The following CPNE4 variants were observed in gnomAD, a reference collection of about 807,000 sequenced individuals.
CPNE4 encodes copine-4.
In CPNE4, 25 loss-of-function variants were observed where a neutral mutation model predicts 67.9. That is an observed-to-expected ratio of 0.37 (90% CI 0.27 to 0.51). The LOEUF (loss-of-function observed/expected upper bound fraction) is 0.51, where lower values mean the gene tolerates loss of function less well. Among genes scored for constraint, CPNE4 ranks in the 20% least tolerant of loss-of-function variants. The pLI is 0.93. For missense variants in CPNE4, 464 were observed against 690.8 expected, an observed-to-expected ratio of 0.67 and a Z score of 3.68; for synonymous variants, 242 against 244.9, an observed-to-expected ratio of 0.99 and a Z score of 0.11.
intron 7 of CPNE4, among the ~76,000 whole-genome samples, chr3:131,587,876 TC>T (rs1938288329): frequency 6.6e-6 from 1 of 152,166 alleles, no homozygotes; most frequent in African/African-American, 2.4e-5. Context: ...AAAGGGACCT[TC>T]TAGTGAATGA....
chr3:131,828,153 C>G (rs2085235844), intron 2 of CPNE4, among the ~76,000 whole-genome samples: 1 of 152,118 alleles, frequency 6.6e-6, no homozygotes, highest in African/African-American at 2.4e-5. Flanking sequence ...TTGCTCAATA[C>G]TTAAATTTTA....
At chr3:131,601,330 C>A (rs1939195311) in intron 7 of CPNE4, among the ~76,000 whole-genome samples, 1 of 152,094 alleles carries the variant, frequency 6.6e-6, no homozygotes, top group South Asian at 2.1e-4. Flanking sequence ...ATTGAGCTGG[C>A]AAAGAGAATA....
intron 7 of CPNE4, among the ~76,000 whole-genome samples, chr3:131,598,716 T>C (rs1939031195): frequency 6.6e-6 from 1 of 152,202 alleles, no homozygotes; most frequent in Non-Finnish European, 1.5e-5. Context: ...TATGTACCTT[T>C]CCAATGGCAC....
chr3:132,002,841 G>T (rs2073491626), intron 1 of CPNE4, among the ~76,000 whole-genome samples: 1 of 152,064 alleles, frequency 6.6e-6, no homozygotes, highest in Non-Finnish European at 1.5e-5. Context: ...GCCAAACTTT[G>T]CCAAGCCTAT....
chr3:131,566,369 A>G (rs1221674799), intron 10 of CPNE4, among the ~76,000 whole-genome samples: 1 of 151,746 alleles, frequency 6.6e-6, no homozygotes. Flanking sequence ...ACCTAGGGAG[A>G]CCAATAAAGT....
intron 2 of CPNE4, among the ~76,000 whole-genome samples, chr3:131,789,141 C>T (rs2083646354): frequency 6.6e-6 from 1 of 152,074 alleles, no homozygotes. Flanking sequence ...TCTTAGGCTA[C>T]TCATCCTACA....
chr3:131,539,030 A>C (rs2107624172), intron 15 of CPNE4: 1 of 152,378 alleles, frequency 6.6e-6, no homozygotes, highest in Middle Eastern at 3.4e-3. Context: ...CTGAGTTATC[A>C]TGCAGAGCAG....
chr3:131,814,236 A>G (rs547651601), intron 2 of CPNE4, among the ~76,000 whole-genome samples: 1 of 152,274 alleles, frequency 6.6e-6, no homozygotes, highest in South Asian at 2.1e-4. Flanking sequence ...TGTTCTTGTT[A>G]CATGGACAGT....
chr3:131,778,479 T>C (rs1418801479), intron 2 of CPNE4, among the ~76,000 whole-genome samples: 1 of 152,036 alleles, frequency 6.6e-6, no homozygotes, highest in African/African-American at 2.4e-5. Flanking sequence ...AGAGTGGGAA[T>C]TATCATCATT....
chr3:131,772,864 T>C (rs1002358073), intron 2 of CPNE4, among the ~76,000 whole-genome samples: 3 of 152,130 alleles, frequency 2.0e-5, no homozygotes, highest in Admixed American at 1.3e-4. Context: ...GAAGTGCCCC[T>C]GGGCTGATGT....
chr3:131,981,953 AC>A (rs1390741977), intron 1 of CPNE4, among the ~76,000 whole-genome samples: 1 of 152,060 alleles, frequency 6.6e-6, no homozygotes, highest in Admixed American at 6.5e-5. Context: ...GCAGGAGCAG[AC>A]CCCTTTCTTC....
At chr3:131,925,565 A>G (rs2070871780) in intron 1 of CPNE4, 1 of 151,988 alleles carries the variant, frequency 6.6e-6, no homozygotes, top group Non-Finnish European at 1.5e-5. Context: ...AGAAAGAAAA[A>G]AGATTTGTAC....
chr3:131,752,874 G>A (rs2082664596), intron 2 of CPNE4, among the ~76,000 whole-genome samples: 2 of 152,018 alleles, frequency 1.3e-5, no homozygotes, highest in Admixed American at 1.3e-4. Context: ...ATCTCAATGG[G>A]TTTTGGGGGA....
chr3:132,039,134 T>C (rs1358703), upstream of CPNE4, among the ~76,000 whole-genome samples: 141,219 of 152,324 alleles, frequency 0.93, 65,740 homozygotes, highest in African/African-American at 0.98. Flanking sequence ...ATTTCTATCA[T>C]TGCAGAAAGT....
intron 10 of CPNE4, among the ~76,000 whole-genome samples, chr3:131,567,529 G>C (rs569020540): frequency 5.7e-4 from 87 of 152,068 alleles, no homozygotes; most frequent in African/African-American, 2.0e-3. Flanking sequence ...CGCAGAGTGA[G>C]AGTCTCCTTA....
chr3:132,004,603 G>T (rs1346487831), intron 1 of CPNE4, among the ~76,000 whole-genome samples: 3 of 152,026 alleles, frequency 2.0e-5, no homozygotes, highest in African/African-American at 7.2e-5. Flanking sequence ...CTCAAGTTAA[G>T]CTAGCCTGTG....
At chr3:131,565,132 G>A (rs148433155) in intron 10 of CPNE4, among the ~76,000 whole-genome samples, 11 of 152,096 alleles carry the variant, frequency 7.2e-5, no homozygotes, top group African/African-American at 2.6e-4. Flanking sequence ...TGCTTAAGCC[G>A]AGGGTGTTAA....
At chr3:131,808,273 G>A (rs903186419) in intron 2 of CPNE4, among the ~76,000 whole-genome samples, 3 of 152,116 alleles carry the variant, frequency 2.0e-5, no homozygotes, top group Non-Finnish European at 4.4e-5. Context: ...GAATTAGACT[G>A]AAAAATGGCT....
intron 1 of CPNE4, among the ~76,000 whole-genome samples, chr3:131,987,096 A>C (rs369244692): frequency 2.0e-5 from 3 of 152,204 alleles, no homozygotes; most frequent in East Asian, 1.9e-4. Context: ...TTGAATGTGC[A>C]CATATTCAAA....
Sources: gnomAD v4.1 joint callset for allele counts (sites outside exome capture counted in the v4.1 genomes callset) on GRCh38, gnomAD v4.1.1 for gene constraint, MANE v1.5 for transcripts, NCBI Gene and HGNC (gene_info 2026-07-23, HGNC 2026-07-21) for gene names.